Variants in TPST1 observed in about 807,000 individuals in gnomAD.
TPST1 encodes tyrosylprotein sulfotransferase 1.
Under a neutral mutation model 34.8 loss-of-function variants are expected in TPST1, and 20 were observed. The ratio of observed to expected loss-of-function variants is 0.57; its 90% CI spans 0.40 to 0.84. TPST1 has a LOEUF of 0.84. Ranked by LOEUF, TPST1 falls within the 40% of genes least tolerant of loss-of-function variation. The probability of loss-of-function intolerance (pLI) is 0.00; values close to 1 mark genes in which losing one functional copy is unlikely to be tolerated. For missense variants in TPST1, 353 were observed against 455.5 expected (o/e 0.78, Z 2.05); for synonymous variants, 152 against 159.4 (o/e 0.95, Z 0.35).
At chr7:66,277,413 C>G (rs1790841859) in intron 2 of TPST1, among the ~76,000 whole-genome samples, 1 of 152,158 alleles carries the variant, frequency 6.6e-6, no homozygotes, top group South Asian at 2.1e-4. Flanking sequence ...CATTAACATT[C>G]ATTCCATGAG....
chr7:66,336,446 A>G (rs1188660738), intron 3 of TPST1, among the ~76,000 whole-genome samples: 4 of 152,222 alleles, frequency 2.6e-5, no homozygotes, highest in Non-Finnish European at 4.4e-5. Flanking sequence ...AATCCTATCT[A>G]TAAACAATAC....
chr7:66,314,421 G>A (rs942281725), intron 3 of TPST1, among the ~76,000 whole-genome samples: 4 of 152,190 alleles, frequency 2.6e-5, no homozygotes, highest in African/African-American at 9.7e-5. Flanking sequence ...GCTGAGGTGG[G>A]AGGATTGTCT....
chr7:66,294,353 C>T (rs2115980750), intron 3 of TPST1, among the ~76,000 whole-genome samples: 1 of 152,138 alleles, frequency 6.6e-6, no homozygotes, highest in East Asian at 1.9e-4. Context: ...AGTGTCCTTC[C>T]CTCCCTACAA....
At chr7:66,337,298 A>ATT (rs1562850775) in intron 3 of TPST1, among the ~76,000 whole-genome samples, 1 of 136,838 alleles carries the variant, frequency 7.3e-6, no homozygotes, top group East Asian at 2.2e-4. Flanking sequence ...CTAAAAGACA[A>ATT]ATTTTTTTTT....
At chr7:66,251,840 G>C (rs1790268889) in intron 2 of TPST1, among the ~76,000 whole-genome samples, 1 of 150,118 alleles carries the variant, frequency 6.7e-6, no homozygotes, top group African/African-American at 2.5e-5. Context: ...ATTTACCTGT[G>C]TTGTGGTATA....
intron 2 of TPST1, among the ~76,000 whole-genome samples, chr7:66,272,709 C>A (rs1790729347): frequency 1.3e-5 from 2 of 151,968 alleles, no homozygotes; most frequent in African/African-American, 4.8e-5. Flanking sequence ...ACCTCAGCCT[C>A]CCAAGTAGCT....
chr7:66,327,704 C>T (rs2116244600), intron 3 of TPST1, among the ~76,000 whole-genome samples: 1 of 144,338 alleles, frequency 6.9e-6, no homozygotes, highest in South Asian at 2.2e-4. Context: ...GCCTGGGTGA[C>T]AGAGAAAGAC....
intron 3 of TPST1, among the ~76,000 whole-genome samples, chr7:66,312,912 G>A (rs552115783): frequency 6.6e-6 from 1 of 152,240 alleles, no homozygotes; most frequent in East Asian, 1.9e-4. Context: ...CAAAAGCATG[G>A]ATCAAATGTG....
At chr7:66,243,015 T>A (rs1024772652) in intron 2 of TPST1, among the ~76,000 whole-genome samples, 2 of 152,124 alleles carry the variant, frequency 1.3e-5, no homozygotes, top group Admixed American at 6.5e-5. Flanking sequence ...ATTTTTGCAT[T>A]TGGGGTCTTT....
chr7:66,258,853 G>A (rs796468068), intron 2 of TPST1, among the ~76,000 whole-genome samples: 6 of 152,276 alleles, frequency 3.9e-5, no homozygotes, highest in African/African-American at 1.4e-4. Flanking sequence ...GCATAGTGTG[G>A]ACTTATGGTT....
intron 1 of TPST1, among the ~76,000 whole-genome samples, chr7:66,227,033 T>TTTTTTTG (rs1789672145): frequency 8.3e-6 from 1 of 120,224 alleles, no homozygotes; most frequent in Non-Finnish European, 1.7e-5. Context: ...ATAAGCTTTT[T>TTTTTTTG]TTTTTTTTTT....
At chr7:66,320,711 G>A (rs539611521) in intron 3 of TPST1, among the ~76,000 whole-genome samples, 1 of 152,056 alleles carries the variant, frequency 6.6e-6, no homozygotes, top group South Asian at 2.1e-4. Context: ...CGATTCTCCT[G>A]CCTCAGCCTC....
At chr7:66,233,590 T>C (rs1309537482) in intron 1 of TPST1, among the ~76,000 whole-genome samples, 7 of 152,250 alleles carry the variant, frequency 4.6e-5, no homozygotes, top group Admixed American at 4.6e-4. Flanking sequence ...GTCTTACGAT[T>C]GTAGCATTTA....
intron 2 of TPST1, among the ~76,000 whole-genome samples, chr7:66,284,512 T>C (rs1532571): frequency 0.66 from 98,812 of 148,908 alleles, 33,222 homozygotes; most frequent in African/African-American, 0.76. Flanking sequence ...CCTTTCTCTT[T>C]TTCTTCACCC....
At position 66,241,322 on chromosome 7, in the gene TPST1, T is replaced by C. The variant is rs200491651; in HGVS notation, c.845+52T>C. 2.6e-4 allele frequency: 404 copies of C among 1,548,370 alleles called. 4 individuals are homozygous for C. The Middle Eastern group carries it at 8.5e-3, about 33-fold the overall frequency. On this transcript the variant is annotated intron_variant, in intron 2 of 5. Coordinates refer to ENST00000304842, the MANE Select transcript of TPST1 (RefSeq NM_003596.4). ...TGACTCTATATTTAGCTAATAATGA[T>C]CTATACATATGTATGTATGTGTTTT...
Sources: gnomAD v4.1 joint callset for allele counts (sites outside exome capture counted in the v4.1 genomes callset) on GRCh38, gnomAD v4.1.1 for gene constraint, MANE v1.5 for transcripts, NCBI Gene and HGNC (gene_info 2026-07-23, HGNC 2026-07-21) for gene names.